Variants in CSMD2 observed in about 807,000 individuals in gnomAD.
CSMD2 encodes the protein CUB and sushi domain-containing protein 2.
In CSMD2, 130 loss-of-function variants were observed where a neutral mutation model predicts 398.5. The ratio of observed to expected loss-of-function variants is 0.33; its 90% CI spans 0.28 to 0.38. The LOEUF is 0.38. Among genes scored for constraint, CSMD2 ranks in the 10% least tolerant of loss-of-function variants. The probability of loss-of-function intolerance (pLI) is 1.00; values close to 1 mark genes in which losing one functional copy is unlikely to be tolerated. For missense variants in CSMD2, 3,829 were observed against 4,764.9 expected, an observed-to-expected ratio of 0.80 and a Z score of 5.78; for synonymous variants, 1,828 against 1,908.5, an observed-to-expected ratio of 0.96 and a Z score of 1.10.
At chr1:34,122,587 A>G (rs1388735493) in intron 1 of CSMD2, among the ~76,000 whole-genome samples, 1 of 152,040 alleles carries the variant, frequency 6.6e-6, no homozygotes, top group Non-Finnish European at 1.5e-5. Context: ...CCTCCCACCC[A>G]TTATAAAGGT....
rs910712959 is a variant in CSMD2 at position 33,636,845 on chromosome 1, C to G, written c.4775-291G>C. 1.3e-5 allele frequency among the ~76,000 whole-genome samples: 2 copies of G among 152,130 alleles called. No homozygotes were observed. The highest frequency in any genetic ancestry group is 4.8e-5 in the African/African-American group (2 of 41,424). On this transcript the variant is annotated intron_variant, in intron 29 of 70. Transcript: ENST00000373381. This position sits in a 1 kb window ranked among gnomAD's most constrained non-coding sequence, Gnocchi z 4.8. ...AAAATCGCTGAGGCCCTCTCTCATC[C>G]CCTGCTTGCTCCTCCCCAAGGGAAA... is the stretch of plus-strand genomic sequence containing the variant.
At chr1:34,126,295 C>G (rs750490983) in intron 1 of CSMD2, among the ~76,000 whole-genome samples, 1 of 152,194 alleles carries the variant, frequency 6.6e-6, no homozygotes, top group South Asian at 2.1e-4. Flanking sequence ...TAAAGCCGAG[C>G]TCTTCCCCAC....
chr1:34,081,232 T>C (rs1469798492), intron 2 of CSMD2, among the ~76,000 whole-genome samples: 1 of 152,082 alleles, frequency 6.6e-6, no homozygotes, highest in Non-Finnish European at 1.5e-5. Context: ...CCACCAAGCA[T>C]GCTTGCTGCT....
At chr1:33,826,854 C>A (rs1428802603) in intron 6 of CSMD2, among the ~76,000 whole-genome samples, 2 of 152,210 alleles carry the variant, frequency 1.3e-5, no homozygotes, top group Non-Finnish European at 2.9e-5. Context: ...ACGGTGCCAT[C>A]TTCCAGCTGG....
intron 1 of CSMD2, among the ~76,000 whole-genome samples, chr1:34,137,706 T>C (rs114229714): frequency 1.3e-5 from 2 of 152,272 alleles, no homozygotes; most frequent in East Asian, 1.9e-4. Context: ...GACTGAAGAC[T>C]GTGCTTTCCA....
chr1:33,630,087 T>C (rs1235725700), intron 32 of CSMD2, among the ~76,000 whole-genome samples: 1 of 151,898 alleles, frequency 6.6e-6, no homozygotes, highest in Non-Finnish European at 1.5e-5. Flanking sequence ...CCTTCCTTCC[T>C]TCCTTGCTTC....
At chr1:33,601,872 T>A (rs1000734334) in intron 43 of CSMD2, among the ~76,000 whole-genome samples, 1 of 152,262 alleles carries the variant, frequency 6.6e-6, no homozygotes, top group African/African-American at 2.4e-5. Flanking sequence ...AAGTACTCTG[T>A]AGCCAGTGGC....
At chr1:33,954,259 T>C (rs1645095415) in intron 3 of CSMD2, among the ~76,000 whole-genome samples, 2 of 152,098 alleles carry the variant, frequency 1.3e-5, no homozygotes, top group African/African-American at 4.8e-5. Flanking sequence ...GTAAACCTTG[T>C]AAGTAACAAG....
chr1:33,657,447 C>G (rs1643981934), intron 27 of CSMD2, among the ~76,000 whole-genome samples: 1 of 152,192 alleles, frequency 6.6e-6, no homozygotes, highest in Non-Finnish European at 1.5e-5. Context: ...GCACTCCAGT[C>G]TGGGCGACAG....
At chr1:33,616,835 G>A in intron 39 of CSMD2, 71 bp downstream of exon 39, 1 of 1,185,924 alleles carries the variant, frequency 8.4e-7, no homozygotes, top group Non-Finnish European at 1.3e-6. Context: ...TGAACTCAAT[G>A]ATACACTACT....
Position 33,622,154 on chromosome 1 carries a change from C to T in CSMD2, c.5827+13G>A, listed in dbSNP as rs778896350. The T allele has an allele frequency of 2.5e-6, 4 of 1,598,856 alleles. No individual in the cohort carries two copies. Among genetic ancestry groups the T allele is most frequent in the Non-Finnish European group, 3.4e-6 (4 of 1,166,150 alleles). On this transcript the variant is annotated intron_variant, in intron 37 of 70. Transcript: ENST00000373381. The stretch of plus-strand genomic sequence containing the variant: ...CCCTGAACCCTGTACCAGCCAAGAC[C>T]CTGGATTCTCACTTTTGTACTCCAA...
At chr1:34,047,816 G>C (rs908505665) in intron 2 of CSMD2, among the ~76,000 whole-genome samples, 2 of 152,176 alleles carry the variant, frequency 1.3e-5, no homozygotes, top group Non-Finnish European at 2.9e-5. Flanking sequence ...GGCACAAGCA[G>C]AGGAAAGACA....
intron 3 of CSMD2, among the ~76,000 whole-genome samples, chr1:33,969,597 C>T (rs1645681455): frequency 6.6e-6 from 1 of 152,208 alleles, no homozygotes; most frequent in South Asian, 2.1e-4. Flanking sequence ...TTCCATTTTA[C>T]ACATGTGAAA....
At chr1:33,586,972 T>C (rs773840057) in intron 45 of CSMD2, 116 bp downstream of exon 45, 6 of 742,414 alleles carry the variant, frequency 8.1e-6, no homozygotes, top group Non-Finnish European at 1.3e-5. Context: ...CTACTGTTTC[T>C]CTCTCCACAG....
At chr1:33,875,269 CG>C (rs1234891986) in intron 5 of CSMD2, among the ~76,000 whole-genome samples, 2 of 152,072 alleles carry the variant, frequency 1.3e-5, no homozygotes, top group Non-Finnish European at 2.9e-5. Flanking sequence ...ACATAAGGGG[CG>C]GGGGAACTGC....
At position 34,106,691 on chromosome 1, in the gene CSMD2, T is replaced by C. The variant is rs534575076; in HGVS notation, c.188-17498A>G. Among the ~76,000 whole-genome samples, 14 of 152,278 alleles carry C rather than the reference T, an allele frequency of 9.2e-5. No homozygotes were observed. In the South Asian group the frequency reaches 2.7e-3, roughly 29 times the overall value. ...AGTTGCTGTGCCTCAGGGACCTGGA[T>C]ACAAAACGGGTCTCCTTTTTCCTCT... On this transcript the variant is annotated intron_variant, in intron 1 of 70. Transcript: ENST00000373381.
At chr1:33,955,954 G>A (rs1412122005) in intron 3 of CSMD2, among the ~76,000 whole-genome samples, 2 of 152,016 alleles carry the variant, frequency 1.3e-5, no homozygotes, top group Admixed American at 1.3e-4. Context: ...TCTCCACCTC[G>A]ACACTGGTAC....
intron 1 of CSMD2, among the ~76,000 whole-genome samples, chr1:34,152,211 T>A (rs1246582659): frequency 6.6e-6 from 1 of 152,136 alleles, no homozygotes; most frequent in African/African-American, 2.4e-5. Flanking sequence ...AACAGAACCA[T>A]AACTTATGAT....
chr1:33,928,066 G>A (rs1433107067), intron 4 of CSMD2, among the ~76,000 whole-genome samples: 1 of 152,188 alleles, frequency 6.6e-6, no homozygotes, highest in Non-Finnish European at 1.5e-5. Flanking sequence ...AAGCTCTCAG[G>A]CCCTGAACCA....
Sources: allele counts gnomAD v4.1 joint callset (sites outside exome capture counted in the v4.1 genomes callset), GRCh38; gene constraint gnomAD v4.1.1; non-coding constraint Gnocchi (gnomAD v3.1); transcripts MANE v1.5; gene names NCBI Gene and HGNC (gene_info 2026-07-23, HGNC 2026-07-21).